Variants in FANCB observed in about 807,000 individuals in gnomAD.
FANCB encodes the protein FA complementation group B.
In FANCB, 5 loss-of-function variants were observed where a neutral mutation model predicts 38.9. The observed-to-expected ratio is 0.13, with a 90% CI of 0.07 to 0.27. The LOEUF (loss-of-function observed/expected upper bound fraction) is 0.27. Among genes scored for constraint, FANCB ranks in the 10% least tolerant of loss-of-function variants. The pLI is 1.00. For synonymous variants in FANCB, 236 were observed against 215.4 expected (o/e 1.10, Z -0.84); for missense variants, 573 against 602.7 (o/e 0.95, Z 0.52).
chrX:14,798,224 G>A, the FANCB span, among the ~76,000 whole-genome samples: 25 of 108,511 alleles, frequency 2.3e-4, no homozygotes, highest in South Asian at 7.4e-3. Flanking sequence ...TCTTGGTGGC[G>A]CAATCTTGGC....
intron 3 of FANCB, among the ~76,000 whole-genome samples, chrX:14,863,123 T>G (rs747488127): frequency 9.8e-5 from 11 of 112,382 alleles, no homozygotes; most frequent in South Asian, 3.6e-4. Context: ...TAATCCCTAT[T>G]AATATAAAAG....
rs751366752 is a variant in FANCB at position 14,853,981 on chromosome X, A to C, written c.1198-814T>G. On this transcript the variant is annotated intron_variant, in intron 5 of 9. Coordinates refer to ENST00000650831, the MANE Select transcript of FANCB (RefSeq NM_001018113.3). ...AAACATATTTTTCTAGATTTATGCAACAAAATGCATCATTATTTGGGATTC... is the reference window on the plus strand; with the variant it reads ...AAACATATTTTTCTAGATTTATGCACCAAAATGCATCATTATTTGGGATTC... Among the ~76,000 whole-genome samples, 3 of 112,759 alleles carry C rather than the reference A, an allele frequency of 2.7e-5. No individual in the cohort carries two copies. In the South Asian group the frequency reaches 1.1e-3, roughly 40 times the overall value.
At chrX:14,818,780 T>C in the FANCB span, among the ~76,000 whole-genome samples, 1 of 112,080 alleles carries the variant, frequency 8.9e-6, no homozygotes, top group African/African-American at 3.2e-5. Context: ...ATTCAAAAAT[T>C]ATGGAGACGT....
chrX:14,853,391 T>C (rs912618598), intron 5 of FANCB, among the ~76,000 whole-genome samples: 1 of 112,005 alleles, frequency 8.9e-6, no homozygotes, highest in African/African-American at 3.2e-5. Flanking sequence ...AACTGCAACA[T>C]AGAGCTTATG....
the FANCB span, among the ~76,000 whole-genome samples, chrX:14,803,681 C>T: frequency 9.0e-6 from 1 of 111,536 alleles, no homozygotes; most frequent in African/African-American, 3.3e-5. Flanking sequence ...GGAGAAGAAA[C>T]TCCTGCCAAC....
the FANCB span, among the ~76,000 whole-genome samples, chrX:14,764,911 G>C: frequency 1.8e-5 from 2 of 111,986 alleles, no homozygotes; most frequent in African/African-American, 3.2e-5. Flanking sequence ...CAGCCCTTTG[G>C]AGCGCCCCAT....
At chrX:14,799,952 T>C in the FANCB span, among the ~76,000 whole-genome samples, 1 of 112,017 alleles carries the variant, frequency 8.9e-6, no homozygotes, top group African/African-American at 3.3e-5. Context: ...AGTTTCTCCT[T>C]GCTGCTTATA....
the FANCB span, among the ~76,000 whole-genome samples, chrX:14,763,097 T>A: frequency 1.8e-5 from 2 of 111,612 alleles, no homozygotes; most frequent in Non-Finnish European, 3.8e-5. Flanking sequence ...GCTAGATTGC[T>A]TAGTCCTCCA....
At chrX:14,739,864 C>T in the FANCB span, among the ~76,000 whole-genome samples, 1 of 112,155 alleles carries the variant, frequency 8.9e-6, no homozygotes, top group South Asian at 3.7e-4. Flanking sequence ...TGTTTTTAGA[C>T]TATGAGCTAG....
chrX:14,776,610 C>T, the FANCB span, among the ~76,000 whole-genome samples: 3 of 112,404 alleles, frequency 2.7e-5, no homozygotes, highest in South Asian at 1.1e-3. Context: ...CCAGCCCCAC[C>T]TCTCCAAGAG....
At chrX:14,715,197 C>T in the FANCB span, among the ~76,000 whole-genome samples, 31 of 112,004 alleles carry the variant, frequency 2.8e-4, no homozygotes, top group Non-Finnish European at 1.1e-4. Context: ...TGGCTGCTCA[C>T]GAGCTTAATA....
the FANCB span, among the ~76,000 whole-genome samples, chrX:14,733,037 T>C: frequency 2.7e-5 from 3 of 112,182 alleles, no homozygotes; most frequent in Non-Finnish European, 5.6e-5. Flanking sequence ...CTTTAATCCA[T>C]CTTAATTTTT....
chrX:14,705,258 G>C, the FANCB span, among the ~76,000 whole-genome samples: 1 of 112,031 alleles, frequency 8.9e-6, no homozygotes, highest in African/African-American at 3.2e-5. Flanking sequence ...AGGAAAGTGA[G>C]AGTCAGTGAC....
At chrX:14,689,850 G>C in the FANCB span, among the ~76,000 whole-genome samples, 2 of 111,694 alleles carry the variant, frequency 1.8e-5, no homozygotes, top group Admixed American at 1.9e-4. Context: ...ATTGTAAGTC[G>C]AGTGAGATGA....
At chrX:14,754,779 T>G in the FANCB span, among the ~76,000 whole-genome samples, 1 of 110,567 alleles carries the variant, frequency 9.0e-6, no homozygotes, top group Non-Finnish European at 1.9e-5. Flanking sequence ...AGAAATAATG[T>G]CAATTATTTT....
At chrX:14,689,763 A>G in the FANCB span, among the ~76,000 whole-genome samples, 7 of 112,347 alleles carry the variant, frequency 6.2e-5, no homozygotes, top group Non-Finnish European at 1.1e-4. Flanking sequence ...GTAGTTTAAT[A>G]AGTATTCTTT....
chrX:14,709,580 A>G, the FANCB span, among the ~76,000 whole-genome samples: 1 of 112,490 alleles, frequency 8.9e-6, no homozygotes, highest in Non-Finnish European at 1.9e-5. Flanking sequence ...GTTGCGTATA[A>G]GAAGCTATAA....
chrX:14,765,632 A>AT, the FANCB span, among the ~76,000 whole-genome samples: 8,210 of 111,845 alleles, frequency 0.073, 404 homozygotes, highest in African/African-American at 0.17. Context: ...GTCAGAAGGC[A>AT]TTTTTTGTTG....
chrX:14,850,450 G>T, intron 7 of FANCB, 55 bp downstream of exon 7: 1 of 935,596 alleles, frequency 1.1e-6, no homozygotes, highest in Non-Finnish European at 1.6e-6. Context: ...AATTTCTATT[G>T]GACAGTACTG....
Sources: gnomAD v4.1 joint callset for allele counts (sites outside exome capture counted in the v4.1 genomes callset) on GRCh38, gnomAD v4.1.1 for gene constraint, MANE v1.5 for transcripts, NCBI Gene and HGNC (gene_info 2026-07-23, HGNC 2026-07-21) for gene names.